DPYSL5: variants seen among roughly 807,000 people sequenced by gnomAD.
DPYSL5 encodes dihydropyrimidinase like 5, also known as dihydropyrimidinase-related protein 5.
A neutral mutation model predicts 58.4 loss-of-function variants in DPYSL5; 9 were observed. The observed-to-expected ratio is 0.15, with a 90% CI of 0.09 to 0.27. DPYSL5 has a LOEUF of 0.27. Among genes scored for constraint, DPYSL5 ranks in the 10% least tolerant of loss-of-function variants. The pLI is 1.00. For missense variants in DPYSL5, 499 were observed against 770.6 expected (o/e 0.65, Z 4.17); for synonymous variants, 293 against 301.9 (o/e 0.97, Z 0.31).
At chr2:26,932,137 G>GAAAGAAAGAAAGAAAGAAAGAAAGAC (rs1409919249) in intron 6 of DPYSL5, among the ~76,000 whole-genome samples, 3 of 59,708 alleles carry the variant, frequency 5.0e-5, no homozygotes, top group African/African-American at 2.2e-4. Flanking sequence ...AAGAAAGAAA[G>GAAAGAAAGAAAGAAAGAAAGAAAGAC]AGAAAGAAAG....
At chr2:26,912,326 C>A (rs185547524) in intron 2 of DPYSL5, among the ~76,000 whole-genome samples, 1 of 152,206 alleles carries the variant, frequency 6.6e-6, no homozygotes, top group East Asian at 1.9e-4. Context: ...GGCGGCCTCT[C>A]GTCAGCTTTA....
At chr2:26,852,778 G>A (rs545826635) in intron 1 of DPYSL5, among the ~76,000 whole-genome samples, 2 of 152,262 alleles carry the variant, frequency 1.3e-5, no homozygotes, top group East Asian at 1.9e-4. Context: ...AAAAACTGCC[G>A]TGACTTCTGC....
intron 1 of DPYSL5, among the ~76,000 whole-genome samples, chr2:26,867,352 T>A (rs1354104715): frequency 6.6e-6 from 1 of 152,100 alleles, no homozygotes; most frequent in African/African-American, 2.4e-5. Flanking sequence ...TAAATCTTTT[T>A]AAAATTGCAT....
chr2:26,859,743 G>A (rs778872294), intron 1 of DPYSL5, among the ~76,000 whole-genome samples: 4 of 152,202 alleles, frequency 2.6e-5, no homozygotes, highest in Non-Finnish European at 4.4e-5. Context: ...ATTCGGTTAT[G>A]AGACGCACCC....
At chr2:26,930,839 T>C (rs927552034) in intron 5 of DPYSL5, among the ~76,000 whole-genome samples, 20 of 151,318 alleles carry the variant, frequency 1.3e-4, no homozygotes, top group African/African-American at 4.6e-4. Context: ...TCGGGCATGG[T>C]GGTGGGCGCC....
chr2:26,932,142 A>T (rs1665024506), intron 6 of DPYSL5, among the ~76,000 whole-genome samples: 1 of 41,914 alleles, frequency 2.4e-5, no homozygotes, highest in South Asian at 9.4e-4. Context: ...AGAAAGAGAA[A>T]GAAAGAAAGA....
chr2:26,924,935 G>T lies in DPYSL5; in HGVS notation c.310G>T (p.Asp104Tyr), dbSNP rs745658602. The T allele has an allele frequency of 6.2e-7, 1 of 1,614,122 alleles. No individual in the cohort carries two copies. Among genetic ancestry groups the T allele is most frequent in the Non-Finnish European group, 8.5e-7 (1 of 1,180,024 alleles). The change falls in exon 3 of 13, where the codon GAC becomes TAC. Residue 104 changes from aspartate (D) to tyrosine (Y), a missense_variant. Around this residue, in one of 3 missense-constraint regions of DPYSL5, gnomAD observed 404 missense variants for 647.6 expected, o/e 0.62. Transcript: ENST00000288699. The surrounding 1 kb of genome is among the most constrained non-coding windows in gnomAD (Gnocchi z 4.7). Reference sequence around the variant, plus strand: ...CATGATCATCGGCCACGTCCTGCCCGACAAGGAGACCTCCCTTGTGGACGC... The same window carrying T: ...CATGATCATCGGCCACGTCCTGCCCTACAAGGAGACCTCCCTTGTGGACGC... ...TTMIIGHVLP[D>Y]KETSLVDAYE... is the part of the protein sequence containing the mutation.
intron 1 of DPYSL5, among the ~76,000 whole-genome samples, chr2:26,865,911 T>G (rs1666129109): frequency 6.6e-6 from 1 of 152,192 alleles, no homozygotes; most frequent in Non-Finnish European, 1.5e-5. Flanking sequence ...ATCTAACAGA[T>G]AGAGACCTGC....
At chr2:26,899,846 T>G (rs746811463) in intron 2 of DPYSL5, among the ~76,000 whole-genome samples, 6 of 151,980 alleles carry the variant, frequency 3.9e-5, no homozygotes, top group Admixed American at 2.0e-4. Context: ...GGAAGAGAGG[T>G]GGTAGGCCGA....
At chr2:26,856,400 A>G (rs1665879043) in intron 1 of DPYSL5, among the ~76,000 whole-genome samples, 2 of 152,186 alleles carry the variant, frequency 1.3e-5, no homozygotes, top group South Asian at 4.1e-4. Flanking sequence ...CATGTAGTGG[A>G]TATTCTCTCA....
At chr2:26,852,927 C>A (rs1302349386) in intron 1 of DPYSL5, among the ~76,000 whole-genome samples, 1 of 152,180 alleles carries the variant, frequency 6.6e-6, no homozygotes, top group Non-Finnish European at 1.5e-5. Context: ...CATATTCTCC[C>A]TCTAAAATGT....
intron 2 of DPYSL5, among the ~76,000 whole-genome samples, chr2:26,914,234 G>A (rs975450228): frequency 1.3e-5 from 2 of 152,346 alleles, no homozygotes; most frequent in Admixed American, 6.5e-5. Flanking sequence ...GATTAGATGG[G>A]AGAGTACCTC....
At chr2:26,886,435 G>A (rs775034987) in intron 1 of DPYSL5, among the ~76,000 whole-genome samples, 2 of 152,052 alleles carry the variant, frequency 1.3e-5, no homozygotes, top group Non-Finnish European at 2.9e-5. Context: ...TATAAAAAAT[G>A]CACTTAATGA....
At chr2:26,892,684 C>CA (rs887386485) in intron 1 of DPYSL5, among the ~76,000 whole-genome samples, 5 of 141,626 alleles carry the variant, frequency 3.5e-5, no homozygotes, top group East Asian at 2.1e-4. Flanking sequence ...AAAACAAAAA[C>CA]AAAAAAACAA....
chr2:26,928,999 G>A (rs934084157), intron 5 of DPYSL5, among the ~76,000 whole-genome samples: 2 of 151,826 alleles, frequency 1.3e-5, no homozygotes, highest in Non-Finnish European at 2.9e-5. Flanking sequence ...TTGGACCAGG[G>A]GTCACCAACC....
At chr2:26,903,180 A>G (rs1160568887) in intron 2 of DPYSL5, among the ~76,000 whole-genome samples, 1 of 151,312 alleles carries the variant, frequency 6.6e-6, no homozygotes, top group Non-Finnish European at 1.5e-5. Flanking sequence ...CACGATTCTC[A>G]TGCCTCAGCC....
chr2:26,918,929 C>G (rs537587307), intron 2 of DPYSL5, among the ~76,000 whole-genome samples: 90 of 152,308 alleles, frequency 5.9e-4, no homozygotes, highest in African/African-American at 2.1e-3. Flanking sequence ...TGACCAGGTT[C>G]TTGGCCTTGA....
At chr2:26,878,157 A>G (rs1166447500) in intron 1 of DPYSL5, among the ~76,000 whole-genome samples, 2 of 152,226 alleles carry the variant, frequency 1.3e-5, no homozygotes, top group Non-Finnish European at 2.9e-5. Context: ...CGTGCTTTTT[A>G]CATTTGCTTT....
At position 26,947,068 on chromosome 2, in the gene DPYSL5, G is replaced by A; in HGVS notation, c.*73G>A. 1 of 1,339,256 alleles carries A rather than the reference G, an allele frequency of 7.5e-7. No individual in the cohort carries two copies. 83.0% of individuals were successfully genotyped at this position (1,339,256 alleles called of 1,614,324 possible). A position where few individuals can be genotyped will look rare whatever the true frequency, so the allele number is the denominator to read the frequency against. On this transcript the variant is annotated 3_prime_UTR_variant, in exon 13 of 13. Coordinates refer to ENST00000288699, the MANE Select transcript of DPYSL5 (RefSeq NM_020134.4). This position sits in a 1 kb window ranked among gnomAD's most constrained non-coding sequence, Gnocchi z 4.2. ...CGCAACTCTCCAGCCGAAGCTGCAG[G>A]GGCAGGAGAGGCTGGGCTGGGTGGC... is the stretch of plus-strand genomic sequence containing the variant.
Sources: allele counts gnomAD v4.1 joint callset (sites outside exome capture counted in the v4.1 genomes callset), GRCh38; gene constraint gnomAD v4.1.1; regional missense constraint gnomAD v4.1.1; non-coding constraint Gnocchi (gnomAD v3.1); transcripts MANE v1.5; gene names NCBI Gene and HGNC (gene_info 2026-07-23, HGNC 2026-07-21).